CLPP: variants seen among roughly 807,000 people sequenced by gnomAD.
The protein encoded by CLPP is caseinolytic mitochondrial matrix peptidase proteolytic subunit, also known as ATP-dependent Clp protease proteolytic subunit, mitochondrial.
CLPP carries 14 observed loss-of-function variants against 27.4 expected under a neutral mutation model. The ratio of observed to expected loss-of-function variants is 0.51; its 90% CI spans 0.34 to 0.80. CLPP has a LOEUF of 0.80. Ranked by LOEUF, CLPP falls within the 30% of genes least tolerant of loss-of-function variation. The pLI is 0.02. For synonymous variants in CLPP, 193 were observed against 166.6 expected (o/e 1.16, Z -1.22); for missense variants, 361 against 403.6 (o/e 0.89, Z 0.90).
At position 6,364,501 on chromosome 19, in the gene CLPP, C is replaced by T; in HGVS notation, c.417C>T (p.Ile139=). 2 of 1,612,162 alleles carry T rather than the reference C, an allele frequency of 1.2e-6. No individual in the cohort carries two copies. The change falls in exon 4 of 6, where the codon ATC becomes ATT. Residue 139 remains isoleucine, a synonymous_variant. Transcript: ENST00000245816. ...GLAIYDTMQY[I]LNPICTWCVG... ...CCATCTACGACACGATGCAGTACAT[C>T]CTCAACCCGATCTGCACCTGGTGCG... is the stretch of plus-strand genomic sequence containing the variant.
At position 6,370,123 on chromosome 19, in the gene CLPP, C is replaced by T. The variant is rs1337479305; in HGVS notation, c.*1413C>T. ...TGTCGCCTGAGATGGGAAGTGTAGGCAAAGGAACAGGCTTGGGGAGGGATC... is the reference window on the plus strand; with the variant it reads ...TGTCGCCTGAGATGGGAAGTGTAGGTAAAGGAACAGGCTTGGGGAGGGATC... On this transcript the variant is annotated 3_prime_UTR_variant, in exon 6 of 6. Transcript: ENST00000245816. Among the ~76,000 whole-genome samples, 5 of 152,148 alleles carry T rather than the reference C, an allele frequency of 3.3e-5. No individual in the cohort carries two copies. Among genetic ancestry groups the T allele is most frequent in the African/African-American group, 1.2e-4 (5 of 41,426 alleles).
At chr19:6,364,323 C>A (rs1228635098) in intron 3 of CLPP, 129 bp from the exon 4 acceptor site, 1 of 841,122 alleles carries the variant, frequency 1.2e-6, no homozygotes, top group African/African-American at 1.7e-5. Flanking sequence ...AGCCACAGCG[C>A]CCAGTCATAT....
chr19:6,369,074 A>C lies in CLPP; in HGVS notation c.*364A>C, dbSNP rs1284842038. ...GGCAGTGTTCTTTTGTGAAGAAGAC[A>C]CAAGAAACCCTCCTCAAAAGAGCTC... On this transcript the variant is annotated 3_prime_UTR_variant, in exon 6 of 6. Transcript: ENST00000245816. Among the ~76,000 whole-genome samples, 1 of 152,122 alleles carries C rather than the reference A, an allele frequency of 6.6e-6. No individual in the cohort carries two copies. The highest frequency in any genetic ancestry group is 2.4e-5 in the African/African-American group (1 of 41,412).
At chr19:6,366,398 CACAG>C in intron 5 of CLPP, 35 bp downstream of exon 5, 7 of 1,481,818 alleles carry the variant, frequency 4.7e-6, no homozygotes, top group African/African-American at 1.4e-5. Flanking sequence ...CTGGTCCGTG[CACAG>C]ACGGACCAGG....
chr19:6,368,472 G>C, intron 5 of CLPP, 66 bp from the exon 6 acceptor site: 4 of 1,550,436 alleles, frequency 2.6e-6, no homozygotes, highest in Non-Finnish European at 3.6e-6. Flanking sequence ...GCCAAAACAG[G>C]ACCCAGACCT....
intron 4 of CLPP, 67 bp downstream of exon 4, chr19:6,364,706 G>C: frequency 1.4e-6 from 2 of 1,480,070 alleles, no homozygotes; most frequent in South Asian, 2.5e-5. Context: ...GACTGACTGG[G>C]CGGAAGTCAA....
chr19:6,368,744 G>T lies in CLPP; in HGVS notation c.*34G>T. The T allele has an allele frequency of 1.3e-6, 2 of 1,537,364 alleles. No homozygotes were observed. The highest frequency in any genetic ancestry group is 1.8e-6 in the Non-Finnish European group (2 of 1,139,660). On this transcript the variant is annotated 3_prime_UTR_variant, in exon 6 of 6. Coordinates refer to ENST00000245816, the MANE Select transcript of CLPP (RefSeq NM_006012.4). The stretch of plus-strand genomic sequence containing the variant: ...CCTCCTCTCCAGAATCATGTGGAGG[G>T]GCCAGAGGCCTGCCAGACCCCCAGC...
chr19:6,363,015 A>G (rs1405240311), intron 3 of CLPP, among the ~76,000 whole-genome samples: 1 of 152,138 alleles, frequency 6.6e-6, no homozygotes, highest in Non-Finnish European at 1.5e-5. Context: ...ACTTGAGCCC[A>G]GGAGGTCGAG....
In CLPP at chr19:6,369,751, C is replaced by T. The variant is rs1289100644; in HGVS notation, c.*1041C>T. Among the ~76,000 whole-genome samples the T allele has an allele frequency of 6.6e-6, 1 of 151,726 alleles. No homozygotes were observed. Among genetic ancestry groups the T allele is most frequent in the Admixed American group, 6.6e-5 (1 of 15,218 alleles). ...CAGAGGTTGCAGTGAGCCAAGATCACGCCACTGCACTCCAGCCTGGGCAAC... is the reference window on the plus strand; with the variant it reads ...CAGAGGTTGCAGTGAGCCAAGATCATGCCACTGCACTCCAGCCTGGGCAAC... On this transcript the variant is annotated 3_prime_UTR_variant, in exon 6 of 6. Transcript: ENST00000245816.
chr19:6,361,601 G>A lies in CLPP; in HGVS notation c.27G>A (p.Gly9=), dbSNP rs2091833502. 1.4e-6 allele frequency: 2 copies of A among 1,413,264 alleles called. No homozygotes were observed. The highest frequency in any genetic ancestry group is 1.6e-5 in the South Asian group (1 of 62,148). The allele number at this position is 1,413,264 out of a possible 1,614,324, so 87.5% of individuals were successfully genotyped here. ...TGTGGCCCGGAATATTGGTAGGGGG[G>A]GCCCGGGTGGCGTCATGCAGGTACC... The part of the protein sequence containing the change: MWPGILVG[G]ARVASCRYPA... The change falls in exon 1 of 6, where the codon GGG becomes GGA. Residue 9 remains glycine, a synonymous_variant. Transcript: ENST00000245816.
chr19:6,366,060 C>T (rs1210509237), intron 4 of CLPP, among the ~76,000 whole-genome samples, 198 bp from the exon 5 acceptor site: 2 of 152,238 alleles, frequency 1.3e-5, no homozygotes, highest in East Asian at 3.9e-4. Context: ...ATAACATATA[C>T]TTAATCCAGT....
chr19:6,363,454 A>C (rs1048154157), intron 3 of CLPP, among the ~76,000 whole-genome samples: 2 of 152,012 alleles, frequency 1.3e-5, no homozygotes, highest in African/African-American at 4.8e-5. Flanking sequence ...AATTTAGTAG[A>C]TCTGATCCCA....
At position 6,367,721 on chromosome 19, in the gene CLPP, A is replaced by AT. The variant is rs55682354; in HGVS notation, c.662-802dup. 2.3e-3 allele frequency among the ~76,000 whole-genome samples: 320 copies of AT among 141,982 alleles called. 1 individual carries two copies. Among genetic ancestry groups the AT allele is most frequent in the South Asian group, 3.3e-3 (15 of 4,512 alleles). The allele number at this position is 141,982 out of a possible 152,430, so 93.1% of individuals were successfully genotyped here. On this transcript the variant is annotated intron_variant, in intron 5 of 5. Transcript: ENST00000245816. Reference sequence around the variant, plus strand: ...GGGTGTATATTATACATCAATAACAATTTTTTTTTTTTTTTGAGATGGAGT... The same window carrying AT: ...GGGTGTATATTATACATCAATAACAATTTTTTTTTTTTTTTTGAGATGGAGT...
At chr19:6,366,115 G>T in intron 4 of CLPP, 143 bp from the exon 5 acceptor site, 1 of 608,486 alleles carries the variant, frequency 1.6e-6, no homozygotes, top group Admixed American at 2.9e-5. Context: ...AGGATATCGG[G>T]GGATTTACAC....
rs74349130 is a variant in CLPP at position 6,364,029 on chromosome 19, A to C, written c.368-423A>C. On this transcript the variant is annotated intron_variant, in intron 3 of 5. Coordinates refer to ENST00000245816, the MANE Select transcript of CLPP (RefSeq NM_006012.4). ...AGTGAAAGCAGTGAAACCCAGTCTT[A>C]ATTTTTTTTTTTTTTTTTTGAGATG... is the stretch of plus-strand genomic sequence containing the variant. Among the ~76,000 whole-genome samples the C allele has an allele frequency of 6.6e-3, 937 of 141,460 alleles. 4 individuals carry two copies. Among genetic ancestry groups the C allele is most frequent in the Non-Finnish European group, 0.011 (729 of 67,550 alleles). 92.8% of individuals were successfully genotyped at this position (141,460 alleles called of 152,430 possible).
chr19:6,361,702 C>A lies in CLPP; in HGVS notation c.128C>A (p.Ala43Asp). 2 of 1,502,368 alleles carry A rather than the reference C, an allele frequency of 1.3e-6. No homozygotes were observed. The highest frequency in any genetic ancestry group is 1.8e-6 in the Non-Finnish European group (2 of 1,128,472). 93.1% of individuals were successfully genotyped at this position (1,502,368 alleles called of 1,614,324 possible). Reference sequence around the variant, plus strand: ...CAGCGGACACTCCAGAACGGCCTGGCCCTGCAGCGGTGCCTGCACGCGACG... The same window carrying A: ...CAGCGGACACTCCAGAACGGCCTGGACCTGCAGCGGTGCCTGCACGCGACG... ...PPQRTLQNGL[A>D]LQRCLHATAT... is the part of the protein sequence containing the mutation. Residue 43 changes from alanine (A) to aspartate (D), a missense_variant, in exon 1 of 6, where the codon GCC becomes GAC. Physicochemically the swap from Ala to Asp is moderately radical, Grantham distance 126 (BLOSUM62 -2). This residue lies in a region of CLPP where 148 missense variants were observed against 122.6 expected (regional missense o/e 1.21). Coordinates refer to ENST00000245816, the MANE Select transcript of CLPP (RefSeq NM_006012.4).
rs369061871 is a variant in CLPP, at chr19:6,364,456, T to C, written c.372T>C (p.Gly124=). ...PIHMYINSPG[G]VVTAGLAIYD... Reference sequence around the variant, plus strand: ...CACTTGCTCCCCCGCCCACAGGTGGTGTGGTGACCGCGGGCCTGGCCATCT... The same window carrying C: ...CACTTGCTCCCCCGCCCACAGGTGGCGTGGTGACCGCGGGCCTGGCCATCT... Residue 124 remains glycine, a synonymous_variant, in exon 4 of 6, where the codon GGT becomes GGC. Transcript: ENST00000245816. 2.4e-5 allele frequency: 39 copies of C among 1,606,278 alleles called. No individual in the cohort carries two copies. The African/African-American group carries it at 4.4e-4, about 18-fold the overall frequency.
In CLPP at chr19:6,365,677, G is replaced by C. The variant is rs376694131; in HGVS notation, c.556-581G>C. Among the ~76,000 whole-genome samples the C allele has an allele frequency of 2.0e-4, 30 of 151,024 alleles. 1 individual carries two copies. The East Asian group carries it at 2.7e-3, about 14-fold the overall frequency. On this transcript the variant is annotated intron_variant, in intron 4 of 5. Coordinates refer to ENST00000245816, the MANE Select transcript of CLPP (RefSeq NM_006012.4). ...CTCTACCAAATATTTAAAATGACTCGGGCATGGTTATGCTTGCCTCTGGTC... is the reference window on the plus strand; with the variant it reads ...CTCTACCAAATATTTAAAATGACTCCGGCATGGTTATGCTTGCCTCTGGTC...
chr19:6,367,774 A>G lies in CLPP; in HGVS notation c.662-764A>G, dbSNP rs138079171. Among the ~76,000 whole-genome samples the G allele has an allele frequency of 4.5e-3, 676 of 148,812 alleles. 5 individuals carry two copies. Among genetic ancestry groups the G allele is most frequent in the African/African-American group, 0.016 (637 of 39,438 alleles). On this transcript the variant is annotated intron_variant, in intron 5 of 5. Transcript: ENST00000245816. ...TGCTTTGTTGCCCAGGCTGGAGTGC[A>G]GTGGTGCAGTCTCCACCTCCCAGAT...
Sources: gnomAD v4.1 joint callset for allele counts (sites outside exome capture counted in the v4.1 genomes callset) on GRCh38, gnomAD v4.1.1 for gene constraint, gnomAD v4.1.1 regional missense constraint, MANE v1.5 for transcripts, NCBI Gene and HGNC (gene_info 2026-07-23, HGNC 2026-07-21) for gene names.